GLIS3: variants seen among roughly 807,000 people sequenced by gnomAD.
GLIS3 encodes zinc finger protein GLIS3.
In GLIS3, 53 loss-of-function variants were observed where a neutral mutation model predicts 78.6. The observed-to-expected ratio is 0.67, with a 90% confidence interval of 0.54 to 0.85. GLIS3 has a LOEUF of 0.85. Ranked by LOEUF, GLIS3 falls within the 40% of genes least tolerant of loss-of-function variation. The pLI is 0.00. For synonymous variants in GLIS3, 684 were observed against 509.9 expected (o/e 1.34, Z -4.60); for missense variants, 1,703 against 1,231.1 (o/e 1.38, Z -5.74).
intron 4 of GLIS3, among the ~76,000 whole-genome samples, chr9:4,101,306 G>A (rs1421401962): frequency 6.6e-6 from 1 of 152,170 alleles, no homozygotes; most frequent in Non-Finnish European, 1.5e-5. Flanking sequence ...ACTCTCTGGG[G>A]TATAGCACAG....
the GLIS3 span, among the ~76,000 whole-genome samples, chr9:4,437,893 C>T: frequency 2.6e-5 from 4 of 152,152 alleles, no homozygotes; most frequent in African/African-American, 9.7e-5. Flanking sequence ...TTGAAGGATA[C>T]AGCATATAAT....
chr9:4,067,837 G>A (rs1183429175), intron 4 of GLIS3, among the ~76,000 whole-genome samples: 1 of 151,310 alleles, frequency 6.6e-6, no homozygotes, highest in African/African-American at 2.4e-5. Flanking sequence ...GCAAAGAACA[G>A]ATTGATCCCA....
At chr9:4,286,954 A>T (rs1440059983) in intron 1 of GLIS3, among the ~76,000 whole-genome samples, 2 of 152,262 alleles carry the variant, frequency 1.3e-5, no homozygotes, top group African/African-American at 4.8e-5. Context: ...CACAAAGCAG[A>T]CATGGCTTCT....
At chr9:4,235,299 A>AAAG in intron 2 of GLIS3, among the ~76,000 whole-genome samples, 1 of 1,088 alleles carries the variant, frequency 9.2e-4, no homozygotes, top group Non-Finnish European at 3.7e-3. Flanking sequence ...ACTCTGTCTC[A>AAAG]AAAAAAAAAA....
chr9:4,253,974 C>T (rs1173585660), intron 2 of GLIS3, among the ~76,000 whole-genome samples: 1 of 152,154 alleles, frequency 6.6e-6, no homozygotes, highest in Non-Finnish European at 1.5e-5. Context: ...GAGCCAGGTA[C>T]CTCAGTTGGA....
the GLIS3 span, among the ~76,000 whole-genome samples, chr9:4,381,506 T>C: frequency 6.6e-6 from 1 of 152,168 alleles, no homozygotes; most frequent in Non-Finnish European, 1.5e-5. Context: ...AAGAGTTGCA[T>C]GGTCACATAG....
chr9:4,213,412 G>C (rs1042401306), intron 2 of GLIS3, among the ~76,000 whole-genome samples: 1 of 152,064 alleles, frequency 6.6e-6, no homozygotes, highest in Non-Finnish European at 1.5e-5. Flanking sequence ...TCCCCATGTT[G>C]ATTTTCTCTG....
rs770188201 is a variant in GLIS3 at position 4,104,513 on chromosome 9, A to G, written c.1710+13255T>C. Among the ~76,000 whole-genome samples the G allele has an allele frequency of 5.9e-5, 9 of 152,144 alleles. 1 individual carries two copies. Among genetic ancestry groups the G allele is most frequent in the Non-Finnish European group, 2.9e-5 (2 of 68,002 alleles). ...CAACTTCCACTCCTTGTTCCCCTTC[A>G]ATCTATTCTCCACATAGCATTTAGG... On this transcript the variant is annotated intron_variant, in intron 4 of 10. Coordinates refer to ENST00000381971, the MANE Select transcript of GLIS3 (RefSeq NM_001042413.2).
chr9:4,096,750 G>A (rs934331737), intron 4 of GLIS3, among the ~76,000 whole-genome samples: 12 of 152,156 alleles, frequency 7.9e-5, no homozygotes, highest in African/African-American at 2.9e-4. Context: ...GGTGGCTCAA[G>A]CCTGTAATCC....
chr9:4,160,387 C>T (rs1329123479), intron 2 of GLIS3, among the ~76,000 whole-genome samples: 2 of 152,196 alleles, frequency 1.3e-5, no homozygotes, highest in East Asian at 1.9e-4. Context: ...TTATGCAAAC[C>T]AGTAAAAATT....
intron 2 of GLIS3, among the ~76,000 whole-genome samples, chr9:4,323,694 T>C (rs964812507): frequency 3.3e-5 from 5 of 152,220 alleles, no homozygotes. Context: ...ATTACCACCA[T>C]AGCAGCCTCA....
At chr9:4,030,835 A>T (rs550887354) in intron 4 of GLIS3, among the ~76,000 whole-genome samples, 1 of 152,318 alleles carries the variant, frequency 6.6e-6, no homozygotes, top group South Asian at 2.1e-4. Context: ...AATATTCTAC[A>T]ATGTAATGAA....
chr9:3,997,676 TA>T (rs906508550), intron 4 of GLIS3, among the ~76,000 whole-genome samples: 56 of 150,502 alleles, frequency 3.7e-4, no homozygotes, highest in African/African-American at 1.3e-3. Flanking sequence ...TCTGCAGGAA[TA>T]AAAAAAAATA....
intron 2 of GLIS3, among the ~76,000 whole-genome samples, chr9:4,315,724 A>G (rs1817426092): frequency 6.6e-6 from 1 of 152,084 alleles, no homozygotes. Context: ...GCCTCTCTTG[A>G]GATACTGCTC....
chr9:4,172,377 T>C (rs1368588551), intron 2 of GLIS3, among the ~76,000 whole-genome samples: 1 of 152,172 alleles, frequency 6.6e-6, no homozygotes, highest in African/African-American at 2.4e-5. Context: ...TAGGTCTCCA[T>C]ACTGAGTAAG....
chr9:4,179,885 G>A (rs1239708261), intron 2 of GLIS3, among the ~76,000 whole-genome samples: 1 of 149,646 alleles, frequency 6.7e-6, no homozygotes, highest in Non-Finnish European at 1.5e-5. Flanking sequence ...ACTCCAGCCT[G>A]GGTGAGAGAG....
At chr9:4,354,744 T>A in the GLIS3 span, among the ~76,000 whole-genome samples, 2 of 152,120 alleles carry the variant, frequency 1.3e-5, no homozygotes, top group African/African-American at 4.8e-5. Flanking sequence ...GATGACACTC[T>A]CCCTCTAGGA....
intron 4 of GLIS3, among the ~76,000 whole-genome samples, chr9:3,982,898 G>A (rs1408880233): frequency 6.6e-6 from 1 of 152,182 alleles, no homozygotes; most frequent in African/African-American, 2.4e-5. Flanking sequence ...TTAAATATAA[G>A]CACAAATGAA....
chr9:4,217,693 C>G (rs1367242167), intron 2 of GLIS3, among the ~76,000 whole-genome samples: 1 of 152,182 alleles, frequency 6.6e-6, no homozygotes, highest in Non-Finnish European at 1.5e-5. Context: ...GTCACAGGCC[C>G]AGGGCAGGAT....
Sources: allele counts gnomAD v4.1 joint callset (sites outside exome capture counted in the v4.1 genomes callset), GRCh38; gene constraint gnomAD v4.1.1; transcripts MANE v1.5; gene names NCBI Gene and HGNC (gene_info 2026-07-23, HGNC 2026-07-21).